Variants in PRCC observed in about 807,000 individuals in gnomAD.
PRCC encodes the protein proline-rich protein PRCC.
PRCC carries 10 observed loss-of-function variants against 44.0 expected under a neutral mutation model. The observed-to-expected ratio is 0.23, with a 90% CI of 0.14 to 0.39. The LOEUF is 0.39. Ranked by LOEUF, PRCC falls within the 10% of genes least tolerant of loss-of-function variation. The pLI is 1.00. For missense variants in PRCC, 573 were observed against 624.7 expected, an observed-to-expected ratio of 0.92 and a Z score of 0.88; for synonymous variants, 278 against 259.5, an observed-to-expected ratio of 1.07 and a Z score of -0.69.
intron 1 of PRCC, among the ~76,000 whole-genome samples, chr1:156,779,806 T>G (rs1651986056): frequency 6.6e-6 from 1 of 152,090 alleles, no homozygotes; most frequent in African/African-American, 2.4e-5. Flanking sequence ...GGTCTTGAAC[T>G]CCTGGCCTCA....
chr1:156,772,485 A>G (rs956093217), intron 1 of PRCC, among the ~76,000 whole-genome samples: 6 of 152,184 alleles, frequency 3.9e-5, no homozygotes, highest in African/African-American at 1.4e-4. Context: ...TCTTGCTGTG[A>G]CCCAAGCTAC....
rs141772031 is a variant in PRCC at position 156,786,947 on chromosome 1, C to T, written c.856C>T (p.Pro286Ser). The T allele has an allele frequency of 1.9e-6, 3 of 1,614,118 alleles. No homozygotes were observed. The highest frequency in any genetic ancestry group is 1.1e-5 in the South Asian group (1 of 91,086). ...CTCCCTCCCTGAAAAGGCTGAGCCA[C>T]CTGGAGTTGAGCCATACCCTTACCC... ...FFSLPEKAEP[P>S]GVEPYPYPIP... is the part of the protein sequence containing the mutation. Residue 286 changes from proline (P) to serine (S), a missense_variant, in exon 3 of 7, where the codon CCT (proline) becomes TCT (serine). Pro to Ser is a moderately conservative substitution (Grantham distance 74, BLOSUM62 -1). This residue lies in a region of PRCC where 141 missense variants were observed against 130.2 expected (regional missense o/e 1.08). Coordinates refer to ENST00000271526, the MANE Select transcript of PRCC (RefSeq NM_005973.5).
At chr1:156,790,815 C>T (rs1275271003) in intron 3 of PRCC, among the ~76,000 whole-genome samples, 1 of 151,722 alleles carries the variant, frequency 6.6e-6, no homozygotes, top group Admixed American at 6.6e-5. Context: ...TTGTGAATAC[C>T]ATTATAAAAA....
chr1:156,791,098 T>C, intron 3 of PRCC: 2 of 1,414,804 alleles, frequency 1.4e-6, no homozygotes, highest in Non-Finnish European at 1.9e-6. Context: ...CACTCGCCTC[T>C]AAGGGGAATC....
chr1:156,780,956 T>G (rs1057284764), intron 1 of PRCC, among the ~76,000 whole-genome samples: 1 of 152,184 alleles, frequency 6.6e-6, no homozygotes, highest in African/African-American at 2.4e-5. Context: ...CTCAAACTCC[T>G]GACCTCAGGT....
chr1:156,797,387 T>G, intron 6 of PRCC, 46 bp downstream of exon 6: 1 of 1,609,344 alleles, frequency 6.2e-7, no homozygotes, highest in Non-Finnish European at 8.5e-7. Context: ...TCTCTGTAAA[T>G]CTGGGAATTT....
intron 1 of PRCC, among the ~76,000 whole-genome samples, chr1:156,772,638 G>A (rs1651674691): frequency 6.6e-6 from 1 of 152,190 alleles, no homozygotes; most frequent in African/African-American, 2.4e-5. Context: ...GGGTTATCTG[G>A]ATTAGTATTT....
intron 3 of PRCC, chr1:156,791,439 C>T: frequency 3.8e-6 from 2 of 519,864 alleles, no homozygotes; most frequent in East Asian, 3.3e-5. Context: ...GAGAGACTGT[C>T]TTTGTTTCTT....
intron 5 of PRCC, among the ~76,000 whole-genome samples, chr1:156,795,311 A>T (rs1247303653): frequency 1.5e-4 from 3 of 19,494 alleles, no homozygotes; most frequent in African/African-American, 2.1e-4. Flanking sequence ...TTTTTTTTTC[A>T]GAGTCTCACT....
At position 156,767,731 on chromosome 1, in the gene PRCC, C is replaced by T. The variant is rs143792441; in HGVS notation, c.-41C>T. On this transcript the variant is annotated 5_prime_UTR_variant, in exon 1 of 7. Coordinates refer to ENST00000271526, the MANE Select transcript of PRCC (RefSeq NM_005973.5). The stretch of plus-strand genomic sequence containing the variant: ...CCGGGCATCCCCGGTCTCAAGTAGG[C>T]CTCATCTGCCGGCAAGGGCGCCCGA... 9.3e-3 allele frequency: 14,399 copies of T among 1,541,116 alleles called. 107 individuals carry two copies. The highest frequency in any genetic ancestry group is 0.011 in the Non-Finnish European group (12,380 of 1,142,650).
In PRCC at chr1:156,774,157, C is replaced by CTTTTTTTTTTTTTTTTTTTTT. The variant is rs76271348; in HGVS notation, c.468+5934_468+5954dup. ...GAGTTTCTTTCTTTTTTTGAGTCAC[C>CTTTTTTTTTTTTTTTTTTTTT]TTTTTTTTTTTTTTTTTTTTTTTTT... is the stretch of plus-strand genomic sequence containing the variant. On this transcript the variant is annotated intron_variant, in intron 1 of 6. Coordinates refer to ENST00000271526, the MANE Select transcript of PRCC (RefSeq NM_005973.5). Among the ~76,000 whole-genome samples the CTTTTTTTTTTTTTTTTTTTTT allele has an allele frequency of 2.2e-4, 12 of 53,998 alleles. 4 individuals carry two copies. The highest frequency in any genetic ancestry group is 2.9e-4 in the Non-Finnish European group (9 of 31,010). 35.4% of individuals were successfully genotyped at this position (53,998 alleles called of 152,430 possible).
At chr1:156,776,641 T>C (rs1651839104) in intron 1 of PRCC, among the ~76,000 whole-genome samples, 1 of 152,238 alleles carries the variant, frequency 6.6e-6, no homozygotes, top group Non-Finnish European at 1.5e-5. Flanking sequence ...CCACTTTTTG[T>C]TTTTCAAAGG....
Position 156,787,102 on chromosome 1 carries a change from G to C in PRCC, c.1011G>C (p.Lys337Asn), listed in dbSNP as rs747646876. 6 of 1,613,980 alleles carry C rather than the reference G, an allele frequency of 3.7e-6. No homozygotes were observed. The highest frequency in any genetic ancestry group is 5.1e-6 in the Non-Finnish European group (6 of 1,179,986). Residue 337 changes from lysine (K) to asparagine (N), a missense_variant, in exon 3 of 7, where the codon AAG becomes AAC. Lys to Asn is a moderately conservative substitution (Grantham distance 94). This residue lies in a region of PRCC where 141 missense variants were observed against 130.2 expected (regional missense o/e 1.08). Coordinates refer to ENST00000271526, the MANE Select transcript of PRCC (RefSeq NM_005973.5). ...AGSSGAPWMP[K>N]PGDDYSYNQF... ...CAAGTGGGGCCCCTTGGATGCCTAA[G>C]CCTGGGGACGACTACAGCTACAATC...
At chr1:156,788,590 G>A (rs906386393) in intron 3 of PRCC, among the ~76,000 whole-genome samples, 1 of 151,840 alleles carries the variant, frequency 6.6e-6, no homozygotes, top group African/African-American at 2.4e-5. Flanking sequence ...TTTCCACGGT[G>A]GCTGAACTAA....
At chr1:156,788,246 A>G (rs574705030) in intron 3 of PRCC, among the ~76,000 whole-genome samples, 1 of 152,342 alleles carries the variant, frequency 6.6e-6, no homozygotes, top group African/African-American at 2.4e-5. Context: ...TTATAAGTGA[A>G]AACGTGGTAT....
chr1:156,796,921 G>T (rs769737460), intron 5 of PRCC: 2 of 211,702 alleles, frequency 9.4e-6, no homozygotes, highest in Non-Finnish European at 1.9e-5. Context: ...CTGACTGCAC[G>T]CAGTTAAACT....
intron 6 of PRCC, among the ~76,000 whole-genome samples, chr1:156,799,260 C>A (rs1167875638): frequency 2.6e-5 from 4 of 152,088 alleles, no homozygotes; most frequent in African/African-American, 9.7e-5. Flanking sequence ...TCACAACATA[C>A]CTTTTTCTTA....
chr1:156,780,873 C>T (rs551473500), intron 1 of PRCC, among the ~76,000 whole-genome samples: 36 of 152,108 alleles, frequency 2.4e-4, no homozygotes, highest in Non-Finnish European at 4.9e-4. Context: ...GGATTACAGG[C>T]GCCCACTACC....
chr1:156,768,983 G>T (rs1055012643), intron 1 of PRCC, among the ~76,000 whole-genome samples: 2 of 152,130 alleles, frequency 1.3e-5, no homozygotes, highest in Non-Finnish European at 2.9e-5. Context: ...AGGATGCTTG[G>T]GTACTGTTTC....
Sources: allele counts gnomAD v4.1 joint callset (sites outside exome capture counted in the v4.1 genomes callset), GRCh38; gene constraint gnomAD v4.1.1; regional missense constraint gnomAD v4.1.1; transcripts MANE v1.5; gene names NCBI Gene and HGNC (gene_info 2026-07-23, HGNC 2026-07-21).